Variants in CRTAC1 observed in about 807,000 individuals in gnomAD.
CRTAC1 encodes cartilage acidic protein 1.
CRTAC1 carries 37 observed loss-of-function variants against 67.8 expected under a neutral mutation model. That is an observed-to-expected ratio of 0.55 (90% confidence interval 0.42 to 0.72). The LOEUF (loss-of-function observed/expected upper bound fraction) is 0.72. Among genes scored for constraint, CRTAC1 ranks in the 30% least tolerant of loss-of-function variants. CRTAC1 has a pLI of 0.00. For synonymous variants in CRTAC1, 348 were observed against 371.0 expected (o/e 0.94, Z 0.71); for missense variants, 780 against 931.6 (o/e 0.84, Z 2.12).
chr10:98,011,492 C>T (rs1473885458), intron 1 of CRTAC1, among the ~76,000 whole-genome samples, 155 bp from the exon 2 acceptor site: 1 of 152,140 alleles, frequency 6.6e-6, no homozygotes, highest in Non-Finnish European at 1.5e-5. Flanking sequence ...CCCTGCCCTC[C>T]CCTCCCTTGC....
chr10:97,956,742 G>T (rs2051447722), intron 2 of CRTAC1, among the ~76,000 whole-genome samples: 1 of 151,986 alleles, frequency 6.6e-6, no homozygotes, highest in Non-Finnish European at 1.5e-5. Context: ...ACAGCACTTT[G>T]CTGGGGTCAC....
intron 6 of CRTAC1, 124 bp downstream of exon 6, chr10:97,907,889 G>C: frequency 9.7e-7 from 1 of 1,026,570 alleles, no homozygotes; most frequent in Non-Finnish European, 1.4e-6. Flanking sequence ...TGGTGCAGAC[G>C]ATGACTTGCC....
At chr10:97,919,705 T>C (rs1453985385) in intron 4 of CRTAC1, among the ~76,000 whole-genome samples, 2 of 150,896 alleles carry the variant, frequency 1.3e-5, no homozygotes, top group African/African-American at 4.9e-5. Context: ...ATCTGCATTG[T>C]GGCAAAACCG....
At chr10:97,894,741 T>TG (rs2050429140) in intron 11 of CRTAC1, among the ~76,000 whole-genome samples, 3 of 40,692 alleles carry the variant, frequency 7.4e-5, no homozygotes, top group African/African-American at 2.6e-4. Flanking sequence ...TATATATATA[T>TG]ATATATATAT....
intron 2 of CRTAC1, among the ~76,000 whole-genome samples, chr10:97,995,390 C>T (rs565773123): frequency 7.2e-5 from 11 of 152,276 alleles, no homozygotes; most frequent in Middle Eastern, 3.4e-3. Flanking sequence ...GAAGAGAGTT[C>T]GAGCATCTCT....
At chr10:97,967,830 C>A (rs1164263677) in intron 2 of CRTAC1, among the ~76,000 whole-genome samples, 1 of 152,074 alleles carries the variant, frequency 6.6e-6, no homozygotes, top group African/African-American at 2.4e-5. Context: ...TGGAAAAATT[C>A]CATTTAACTA....
At chr10:98,015,462 A>G (rs114229998) in intron 1 of CRTAC1, among the ~76,000 whole-genome samples, 2 of 152,250 alleles carry the variant, frequency 1.3e-5, no homozygotes, top group Non-Finnish European at 2.9e-5. Context: ...CGTACATAAC[A>G]TCACTAAAGT....
chr10:97,985,101 C>T (rs1290626873), intron 2 of CRTAC1, among the ~76,000 whole-genome samples: 3 of 152,068 alleles, frequency 2.0e-5, no homozygotes, highest in Non-Finnish European at 4.4e-5. Context: ...GAGTAAAGGG[C>T]AGTATTCCTT....
intron 2 of CRTAC1, among the ~76,000 whole-genome samples, chr10:97,985,689 T>C (rs1243284346): frequency 1.3e-5 from 2 of 152,174 alleles, no homozygotes; most frequent in Admixed American, 1.3e-4. Context: ...AGTCCAATTG[T>C]GCTTGCTCCC....
chr10:98,025,402 G>A (rs776737434), intron 1 of CRTAC1, among the ~76,000 whole-genome samples: 1 of 152,100 alleles, frequency 6.6e-6, no homozygotes, highest in Non-Finnish European at 1.5e-5. Context: ...CTGGGAGGGG[G>A]AACAAAATAA....
Position 97,888,796 on chromosome 10 carries a change from C to T in CRTAC1, c.1487-4445G>A, listed in dbSNP as rs567859055. On this transcript the variant is annotated intron_variant, in intron 11 of 14. Coordinates refer to ENST00000370597, the MANE Select transcript of CRTAC1 (RefSeq NM_018058.7). Reference sequence around the variant, plus strand: ...TATAGGGGAGGGCTGAGCAGAAGAGCGCCCCCCATTAACCAGCAGAGACAT... The same window carrying T: ...TATAGGGGAGGGCTGAGCAGAAGAGTGCCCCCCATTAACCAGCAGAGACAT... 3.3e-5 allele frequency among the ~76,000 whole-genome samples: 5 copies of T among 152,208 alleles called. No individual in the cohort carries two copies. The East Asian group carries it at 5.8e-4, about 18-fold the overall frequency.
At chr10:97,962,469 T>A (rs777405158) in intron 2 of CRTAC1, among the ~76,000 whole-genome samples, 1 of 152,214 alleles carries the variant, frequency 6.6e-6, no homozygotes, top group Non-Finnish European at 1.5e-5. Flanking sequence ...GAACATAATA[T>A]TATTAGGCTA....
At chr10:98,005,094 A>ATTTTTT (rs1195659934) in intron 2 of CRTAC1, among the ~76,000 whole-genome samples, 1 of 32,228 alleles carries the variant, frequency 3.1e-5, no homozygotes, top group African/African-American at 1.2e-4. Flanking sequence ...ATATATATAT[A>ATTTTTT]TATATATTTT....
intron 2 of CRTAC1, among the ~76,000 whole-genome samples, chr10:97,954,034 C>T (rs968928766): frequency 3.3e-5 from 5 of 152,156 alleles, no homozygotes; most frequent in African/African-American, 1.2e-4. Context: ...GACGTCTCTA[C>T]AGCTGGGCTG....
chr10:97,936,099 T>C (rs2136613872), intron 3 of CRTAC1, 71 bp downstream of exon 3: 1 of 1,454,654 alleles, frequency 6.9e-7, no homozygotes, highest in Admixed American at 1.9e-5. Context: ...AGGGTTCCCA[T>C]GGCCCTCCCC....
intron 2 of CRTAC1, among the ~76,000 whole-genome samples, chr10:98,008,576 G>A (rs145016012): frequency 6.6e-6 from 1 of 151,142 alleles, no homozygotes; most frequent in East Asian, 1.9e-4. Context: ...CTTTGCAGTG[G>A]AGACAGGGAG....
intron 2 of CRTAC1, among the ~76,000 whole-genome samples, chr10:97,989,061 A>C (rs915489656): frequency 6.6e-6 from 1 of 152,206 alleles, no homozygotes; most frequent in Non-Finnish European, 1.5e-5. Flanking sequence ...GCCTCACTGC[A>C]GAGCTGGGGC....
At chr10:97,904,868 A>G in intron 6 of CRTAC1, 54 bp from the exon 7 acceptor site, 2 of 1,516,094 alleles carry the variant, frequency 1.3e-6, no homozygotes, top group Non-Finnish European at 1.8e-6. Flanking sequence ...CACTCCACAA[A>G]CACTCACCCT....
At chr10:98,014,347 A>G (rs928408113) in intron 1 of CRTAC1, among the ~76,000 whole-genome samples, 11 of 152,226 alleles carry the variant, frequency 7.2e-5, no homozygotes, top group African/African-American at 1.4e-4. Context: ...ACACTGCTCA[A>G]TCTTGGCTGT....
Sources: allele counts gnomAD v4.1 joint callset (sites outside exome capture counted in the v4.1 genomes callset), GRCh38; gene constraint gnomAD v4.1.1; transcripts MANE v1.5; gene names NCBI Gene and HGNC (gene_info 2026-07-23, HGNC 2026-07-21).